Variants in CTIF observed in about 807,000 individuals in gnomAD.
The protein encoded by CTIF is cap binding complex dependent translation initiation factor, also known as CBP80/20-dependent translation initiation factor.
Under a neutral mutation model 66.0 loss-of-function variants are expected in CTIF, and 21 were observed. That is an observed-to-expected ratio of 0.32 (90% CI 0.23 to 0.46). CTIF has a LOEUF of 0.46. Ranked by LOEUF, CTIF falls within the 20% of genes least tolerant of loss-of-function variation. CTIF has a pLI of 1.00. For missense variants in CTIF, 739 were observed against 812.7 expected, an observed-to-expected ratio of 0.91 and a Z score of 1.10; for synonymous variants, 345 against 326.4, an observed-to-expected ratio of 1.06 and a Z score of -0.62.
intron 7 of CTIF, among the ~76,000 whole-genome samples, chr18:48,754,181 C>T (rs949495668): frequency 1.3e-5 from 2 of 152,160 alleles, no homozygotes; most frequent in African/African-American, 4.8e-5. Flanking sequence ...GCCATTCAGC[C>T]CTTTGTCTCC....
chr18:48,635,860 T>G (rs960314207), intron 2 of CTIF, among the ~76,000 whole-genome samples: 2 of 152,224 alleles, frequency 1.3e-5, no homozygotes, highest in Non-Finnish European at 2.9e-5. Flanking sequence ...CTCCTCATTT[T>G]ATAGATGACA....
At chr18:48,834,073 C>T (rs2068755357) in intron 10 of CTIF, among the ~76,000 whole-genome samples, 2 of 151,092 alleles carry the variant, frequency 1.3e-5, no homozygotes, top group African/African-American at 2.4e-5. Flanking sequence ...TTTCCCTTCT[C>T]TCTGTAGATG....
chr18:48,626,733 G>A (rs2090611834), intron 2 of CTIF, among the ~76,000 whole-genome samples: 1 of 141,888 alleles, frequency 7.0e-6, no homozygotes, highest in Admixed American at 7.3e-5. Context: ...TTGACTCACT[G>A]CAACCTCTGC....
chr18:48,581,082 C>T (rs1599179427), intron 1 of CTIF, among the ~76,000 whole-genome samples: 2 of 152,380 alleles, frequency 1.3e-5, no homozygotes, highest in Non-Finnish European at 2.9e-5. Flanking sequence ...TTTCCTTCAG[C>T]GTCATTCCAG....
At chr18:48,772,926 G>A (rs1300160198) in intron 9 of CTIF, among the ~76,000 whole-genome samples, 1 of 152,170 alleles carries the variant, frequency 6.6e-6, no homozygotes, top group Non-Finnish European at 1.5e-5. Flanking sequence ...TTCCAGGAAG[G>A]GTGTTTTTGA....
intron 9 of CTIF, among the ~76,000 whole-genome samples, chr18:48,778,626 G>A (rs940170843): frequency 6.6e-6 from 1 of 152,196 alleles, no homozygotes; most frequent in African/African-American, 2.4e-5. Flanking sequence ...AGCCAGGAAG[G>A]CCTCTCCCAT....
chr18:48,817,384 A>G lies in CTIF; in HGVS notation c.1527+8A>G, dbSNP rs1599101308. On this transcript the variant is annotated splice_region_variant and intron_variant, in intron 10 of 11. Transcript: ENST00000256413. The stretch of plus-strand genomic sequence containing the variant: ...TACACCTGCCTCAGGGAGGTAAGAG[A>G]CCTGCCGCCTGTGCCCCCTGCACAG... 1 of 1,606,056 alleles carries G rather than the reference A, an allele frequency of 6.2e-7. No homozygotes were observed. Among genetic ancestry groups the G allele is most frequent in the South Asian group, 1.1e-5 (1 of 90,422 alleles).
intron 6 of CTIF, among the ~76,000 whole-genome samples, chr18:48,680,362 C>T (rs2091719207): frequency 6.6e-6 from 1 of 152,254 alleles, no homozygotes. Flanking sequence ...GGACAGTAGG[C>T]TCAAAGAAGG....
intron 6 of CTIF, among the ~76,000 whole-genome samples, chr18:48,697,997 C>G (rs767592314): frequency 8.6e-5 from 13 of 150,432 alleles, no homozygotes; most frequent in Non-Finnish European, 1.3e-4. Flanking sequence ...TCTGGCCTTC[C>G]AGGTCAAGCG....
Position 48,571,317 on chromosome 18 carries a change from C to T in CTIF, c.-29+32005C>T, listed in dbSNP as rs146725158. Among the ~76,000 whole-genome samples, 202 of 152,166 alleles carry T rather than the reference C, an allele frequency of 1.3e-3. 1 individual carries two copies. The highest frequency in any genetic ancestry group is 4.3e-3 in the African/African-American group (180 of 41,522). The stretch of plus-strand genomic sequence containing the variant: ...GATTACAGGCAGGCGCCACCACGCC[C>T]GGCTAATTTTTGTATTTTTGGTAGA... On this transcript the variant is annotated intron_variant, in intron 1 of 11. Transcript: ENST00000256413.
chr18:48,719,864 ATG>A (rs1271169980), intron 7 of CTIF, among the ~76,000 whole-genome samples: 3 of 152,156 alleles, frequency 2.0e-5, no homozygotes, highest in African/African-American at 7.2e-5. Flanking sequence ...TCCGGAGAAA[ATG>A]TGTGTGTTAG....
chr18:48,699,795 A>C (rs2092058356), intron 6 of CTIF, among the ~76,000 whole-genome samples: 1 of 152,148 alleles, frequency 6.6e-6, no homozygotes, highest in Admixed American at 6.5e-5. Context: ...ACCATTTTTT[A>C]GGTGAGAAAA....
chr18:48,856,669 G>T (rs2069334542), intron 10 of CTIF, among the ~76,000 whole-genome samples: 1 of 152,218 alleles, frequency 6.6e-6, no homozygotes, highest in Admixed American at 6.5e-5. Context: ...GCCACATATT[G>T]TGTGATTCTA....
chr18:48,681,101 G>A (rs1430109355), intron 6 of CTIF, among the ~76,000 whole-genome samples: 1 of 152,250 alleles, frequency 6.6e-6, no homozygotes, highest in Admixed American at 6.5e-5. Flanking sequence ...CATTGCAGCG[G>A]CCAGGCAGGA....
rs773373669 is a variant in CTIF at position 48,859,663 on chromosome 18, A to T, written c.*104A>T. 1.5e-5 allele frequency: 16 copies of T among 1,088,020 alleles called. No homozygotes were observed. The highest frequency in any genetic ancestry group is 2.1e-5 in the Non-Finnish European group (15 of 716,470). 67.4% of individuals were successfully genotyped at this position (1,088,020 alleles called of 1,614,324 possible). A position where few individuals can be genotyped will look rare whatever the true frequency, so the allele number is the denominator to read the frequency against. The stretch of plus-strand genomic sequence containing the variant: ...GGGGTGGCCCTGGCGGGAGAAAGAA[A>T]TGGGGAGGAGGGCAGGCAGAGTCGG... On this transcript the variant is annotated 3_prime_UTR_variant, in exon 12 of 12. Transcript: ENST00000256413.
At chr18:48,688,064 G>C (rs2091871171) in intron 6 of CTIF, among the ~76,000 whole-genome samples, 1 of 152,196 alleles carries the variant, frequency 6.6e-6, no homozygotes, top group Admixed American at 6.5e-5. Flanking sequence ...AAATAAGCAA[G>C]TCTACCCTTA....
chr18:48,786,852 C>G (rs533514457), intron 9 of CTIF, among the ~76,000 whole-genome samples: 1 of 151,948 alleles, frequency 6.6e-6, no homozygotes, highest in South Asian at 2.1e-4. Context: ...CCCTTCCCCC[C>G]ACCCACCCCC....
intron 1 of CTIF, among the ~76,000 whole-genome samples, chr18:48,589,563 G>A (rs1219155466): frequency 6.6e-6 from 1 of 152,228 alleles, no homozygotes; most frequent in African/African-American, 2.4e-5. Flanking sequence ...CCTTTTAGGA[G>A]GGAGGACACA....
intron 1 of CTIF, among the ~76,000 whole-genome samples, chr18:48,616,712 C>T (rs148246722): frequency 0.014 from 2,180 of 152,302 alleles, 26 homozygotes; most frequent in Middle Eastern, 0.031. Context: ...ACTCGTCATT[C>T]CTACTATTAG....
Sources: allele counts gnomAD v4.1 joint callset (sites outside exome capture counted in the v4.1 genomes callset), GRCh38; gene constraint gnomAD v4.1.1; transcripts MANE v1.5; gene names NCBI Gene and HGNC (gene_info 2026-07-23, HGNC 2026-07-21).